Variants in RUNX2 observed in about 807,000 individuals in gnomAD.
RUNX2 encodes RUNX family transcription factor 2.
Under a neutral mutation model 51.7 loss-of-function variants are expected in RUNX2, and 10 were observed. That is an observed-to-expected ratio of 0.19 (90% CI 0.12 to 0.33). The LOEUF is 0.33. RUNX2 is among the 10% of genes least tolerant of loss of function. RUNX2 has a pLI of 1.00. For synonymous variants in RUNX2, 276 were observed against 273.6 expected, an observed-to-expected ratio of 1.01 and a Z score of -0.09; for missense variants, 562 against 691.3, an observed-to-expected ratio of 0.81 and a Z score of 2.10.
intron 7 of RUNX2, 122 bp downstream of exon 7, chr6:45,512,529 A>G: frequency 9.6e-7 from 1 of 1,039,716 alleles, no homozygotes; most frequent in Non-Finnish European, 1.5e-6. Context: ...GGGCAAGGGA[A>G]TGACAACTGG....
At chr6:45,441,596 G>A (rs961444218) in intron 5 of RUNX2, among the ~76,000 whole-genome samples, 64 of 152,284 alleles carry the variant, frequency 4.2e-4, no homozygotes, top group African/African-American at 1.5e-3. Flanking sequence ...GTTGGCTGTA[G>A]AGTTTTGCTT....
intron 5 of RUNX2, among the ~76,000 whole-genome samples, chr6:45,487,776 G>C (rs988425680): frequency 6.6e-6 from 1 of 152,174 alleles, no homozygotes; most frequent in African/African-American, 2.4e-5. Context: ...CACTGAACTA[G>C]GTTGTGAGAT....
At chr6:45,352,905 A>G (rs1792360846) in intron 2 of RUNX2, among the ~76,000 whole-genome samples, 1 of 152,112 alleles carries the variant, frequency 6.6e-6, no homozygotes, top group Non-Finnish European at 1.5e-5. Context: ...AGCTATGACT[A>G]CCATTCAAAA....
intron 7 of RUNX2, among the ~76,000 whole-genome samples, chr6:45,541,865 G>A (rs1188647493): frequency 1.3e-5 from 2 of 152,118 alleles, no homozygotes; most frequent in Non-Finnish European, 2.9e-5. Context: ...TTTCTTTTTT[G>A]TTCTAGAGAT....
intron 5 of RUNX2, among the ~76,000 whole-genome samples, chr6:45,485,687 G>A (rs1379924802): frequency 9.0e-5 from 7 of 78,146 alleles, no homozygotes; most frequent in Non-Finnish European, 1.7e-4. Context: ...GTGTGTGTGT[G>A]TGTGTGTGTG....
chr6:45,355,541 A>C (rs925758179), intron 2 of RUNX2, among the ~76,000 whole-genome samples: 1 of 152,100 alleles, frequency 6.6e-6, no homozygotes, highest in African/African-American at 2.4e-5. Flanking sequence ...CTCCAAACCT[A>C]GTCTTCTCCA....
At position 45,491,941 on chromosome 6, in the gene RUNX2, G is replaced by A. The variant is rs1800488580; in HGVS notation, c.686G>A (p.Arg229Lys). 1 of 1,613,656 alleles carries A rather than the reference G, an allele frequency of 6.2e-7. No individual in the cohort carries two copies. The highest frequency in any genetic ancestry group is 8.5e-7 in the Non-Finnish European group (1 of 1,179,788). ...VTVDGPREPR[R>K]HRQKLDDSKP... ...TTATTTTATGATTTGCTATTTCCAG[G>A]GCACAGACAGAAGCTTGATGACTCT... Residue 229 changes from arginine (R) to lysine (K), a missense_variant and splice_region_variant, in exon 6 of 9, where the codon AGG (arginine) becomes AAG (lysine). Around this residue, in one of 5 missense-constraint regions of RUNX2, gnomAD observed 37 missense variants for 66.5 expected, o/e 0.56. Transcript: ENST00000647337.
intron 5 of RUNX2, among the ~76,000 whole-genome samples, chr6:45,439,015 A>G (rs576449548): frequency 6.6e-6 from 1 of 152,278 alleles, no homozygotes; most frequent in East Asian, 1.9e-4. Context: ...CAACCTGCAT[A>G]GACCATGAGA....
intron 2 of RUNX2, among the ~76,000 whole-genome samples, chr6:45,359,541 A>G (rs528928352): frequency 6.6e-6 from 1 of 152,344 alleles, no homozygotes; most frequent in East Asian, 1.9e-4. Context: ...GTGAAAAAAC[A>G]CAAAAGTAGG....
At chr6:45,432,060 A>G (rs971227226) in intron 4 of RUNX2, 41 bp downstream of exon 4, 7 of 1,591,182 alleles carry the variant, frequency 4.4e-6, no homozygotes, top group African/African-American at 2.7e-5. Context: ...GAATAAGCAC[A>G]TTAGGCTCCT....
At position 45,425,653 on chromosome 6, in the gene RUNX2, A is replaced by T. The variant is rs182974258; in HGVS notation, c.423+2696A>T. 4.1e-4 allele frequency among the ~76,000 whole-genome samples: 62 copies of T among 152,330 alleles called. 1 individual carries two copies. Among genetic ancestry groups the T allele is most frequent in the African/African-American group, 1.5e-3 (61 of 41,572 alleles). ...GAGAAAAAATGTATGGATGTTTGGA[A>T]CATCCAGATTGTGACAACCTCTCTT... On this transcript the variant is annotated intron_variant, in intron 3 of 8. Coordinates refer to ENST00000647337, the MANE Select transcript of RUNX2 (RefSeq NM_001024630.4).
At chr6:45,350,143 T>C (rs1791717873) in intron 2 of RUNX2, among the ~76,000 whole-genome samples, 1 of 152,192 alleles carries the variant, frequency 6.6e-6, no homozygotes, top group East Asian at 1.9e-4. Context: ...AGAAATAAAA[T>C]TGATATTTCT....
At chr6:45,400,189 GGGAAGGAA>G (rs374999004) in intron 2 of RUNX2, among the ~76,000 whole-genome samples, 1 of 141,360 alleles carries the variant, frequency 7.1e-6, no homozygotes, top group Admixed American at 7.1e-5. Flanking sequence ...GAGGGAATGA[GGGAAGGAA>G]GGAAGGAAGG....
intron 7 of RUNX2, among the ~76,000 whole-genome samples, chr6:45,539,572 GA>G (rs1455339878): frequency 6.6e-6 from 1 of 152,218 alleles, no homozygotes; most frequent in Middle Eastern, 3.2e-3. Context: ...TTTTTAGTGT[GA>G]GGGGAGAAAT....
intron 6 of RUNX2, among the ~76,000 whole-genome samples, chr6:45,508,147 T>A (rs1275860785): frequency 6.6e-6 from 1 of 151,924 alleles, no homozygotes; most frequent in African/African-American, 2.4e-5. Flanking sequence ...AAAAGGTTGC[T>A]ATCCTCTTTA....
intron 3 of RUNX2, among the ~76,000 whole-genome samples, chr6:45,428,573 G>T (rs183807549): frequency 6.6e-6 from 1 of 152,144 alleles, no homozygotes; most frequent in East Asian, 1.9e-4. Context: ...CTCATAGAAG[G>T]CTCACACAAC....
intron 2 of RUNX2, among the ~76,000 whole-genome samples, chr6:45,405,515 G>A (rs145320445): frequency 4.6e-5 from 7 of 152,304 alleles, no homozygotes; most frequent in East Asian, 3.9e-4. Context: ...TAGGCTGGGC[G>A]CAGTGGCTTA....
intron 2 of RUNX2, among the ~76,000 whole-genome samples, chr6:45,335,026 T>C (rs1209740204): frequency 6.6e-6 from 1 of 151,278 alleles, no homozygotes; most frequent in Non-Finnish European, 1.5e-5. Context: ...ATGAATGGAA[T>C]TAATTTGCTA....
chr6:45,492,489 C>T (rs965227906), intron 6 of RUNX2, among the ~76,000 whole-genome samples: 1 of 152,142 alleles, frequency 6.6e-6, no homozygotes, highest in Non-Finnish European at 1.5e-5. Flanking sequence ...CAGATTTGGG[C>T]TTACATTTCT....
Sources: allele counts gnomAD v4.1 joint callset (sites outside exome capture counted in the v4.1 genomes callset), GRCh38; gene constraint gnomAD v4.1.1; regional missense constraint gnomAD v4.1.1; transcripts MANE v1.5; gene names NCBI Gene and HGNC (gene_info 2026-07-23, HGNC 2026-07-21).